USP13: variants seen among roughly 807,000 people sequenced by gnomAD.
USP13 encodes the protein ubiquitin specific peptidase 13.
Under a neutral mutation model 107.8 loss-of-function variants are expected in USP13, and 68 were observed. That is an observed-to-expected ratio of 0.63 (90% confidence interval 0.52 to 0.77). The LOEUF (loss-of-function observed/expected upper bound fraction) is 0.77, where lower values mean the gene tolerates loss of function less well. USP13 is among the 30% of genes least tolerant of loss of function. The pLI is 0.00. For missense variants in USP13, 945 were observed against 1,093.3 expected (o/e 0.86, Z 1.91); for synonymous variants, 377 against 389.5 (o/e 0.97, Z 0.38).
At chr3:179,681,592 G>C (rs1216939466) in intron 1 of USP13, among the ~76,000 whole-genome samples, 1 of 151,684 alleles carries the variant, frequency 6.6e-6, no homozygotes, top group Non-Finnish European at 1.5e-5. Flanking sequence ...CTTATCAGTA[G>C]GTACATTCCT....
At chr3:179,693,699 A>G (rs1712187803) in intron 3 of USP13, among the ~76,000 whole-genome samples, 1 of 151,962 alleles carries the variant, frequency 6.6e-6, no homozygotes, top group African/African-American at 2.4e-5. Flanking sequence ...TTTGAGCCGG[A>G]GTCTTGCTCT....
chr3:179,718,911 C>T (rs1034146205), intron 6 of USP13, among the ~76,000 whole-genome samples: 6 of 152,074 alleles, frequency 3.9e-5, no homozygotes, highest in African/African-American at 1.4e-4. Context: ...CGCCCGCCAC[C>T]ACGCCCGGCT....
At position 179,727,623 on chromosome 3, in the gene USP13, C is replaced by A. The variant is rs1390432380; in HGVS notation, c.1089-2566C>A. 6.5e-5 allele frequency among the ~76,000 whole-genome samples: 6 copies of A among 92,540 alleles called. 2 individuals are homozygous for A. The highest frequency in any genetic ancestry group is 1.4e-4 in the African/African-American group (4 of 27,678). The allele number at this position is 92,540 out of a possible 152,430, so 60.7% of individuals were successfully genotyped here. ...CTCAATCTTTTCCCCACCCTTCCCC[C>A]CTTTCTATTCCACAAAACCGCCATT... On this transcript the variant is annotated intron_variant, in intron 8 of 20. Coordinates refer to ENST00000263966, the MANE Select transcript of USP13 (RefSeq NM_003940.3).
intron 10 of USP13, among the ~76,000 whole-genome samples, chr3:179,737,555 CA>C (rs1417486420): frequency 1.3e-5 from 2 of 152,170 alleles, no homozygotes; most frequent in Non-Finnish European, 2.9e-5. Flanking sequence ...ACAATTTTTA[CA>C]TAGGTTTCAG....
At chr3:179,722,391 G>A (rs184943071) in intron 8 of USP13, among the ~76,000 whole-genome samples, 14 of 152,278 alleles carry the variant, frequency 9.2e-5, no homozygotes, top group African/African-American at 3.4e-4. Flanking sequence ...TTTGGAAATC[G>A]AGAGTGAGCA....
chr3:179,735,533 T>A (rs528938306), intron 10 of USP13, among the ~76,000 whole-genome samples: 107 of 152,180 alleles, frequency 7.0e-4, no homozygotes, highest in Non-Finnish European at 1.4e-3. Flanking sequence ...ATCCTGCAAA[T>A]CTGGTTCCAC....
chr3:179,713,413 A>C (rs1479293652), intron 6 of USP13, among the ~76,000 whole-genome samples: 1 of 152,194 alleles, frequency 6.6e-6, no homozygotes, highest in Non-Finnish European at 1.5e-5. Flanking sequence ...GCTGTAACAT[A>C]TTGTTTATTT....
chr3:179,716,662 T>G (rs1713123800), intron 6 of USP13, among the ~76,000 whole-genome samples: 1 of 152,174 alleles, frequency 6.6e-6, no homozygotes, highest in Non-Finnish European at 1.5e-5. Flanking sequence ...AAAACATTTT[T>G]TCCATCAAAA....
intron 1 of USP13, among the ~76,000 whole-genome samples, chr3:179,664,593 G>C (rs1349549366): frequency 6.6e-6 from 1 of 152,162 alleles, no homozygotes; most frequent in Non-Finnish European, 1.5e-5. Flanking sequence ...TCAGGCCTCT[G>C]TCTGGTCTGT....
At position 179,786,589 on chromosome 3, in the gene USP13, G is replaced by C. The variant is rs1219671406; in HGVS notation, c.*2448G>C. 6.5e-6 allele frequency: 1 copy of C among 155,020 alleles called. No homozygotes were observed. The highest frequency in any genetic ancestry group is 1.9e-4 in the East Asian group (1 of 5,342). The allele number at this position is 155,020 out of a possible 1,614,324, so 9.6% of individuals were successfully genotyped here. A position where few individuals can be genotyped will look rare whatever the true frequency, so the allele number is the denominator to read the frequency against. ...TGTGCTATTCTTTACTTCAGATTGA[G>C]AGTTGGGAAAAACTGGAGTAAATAA... On this transcript the variant is annotated 3_prime_UTR_variant, in exon 21 of 21. Coordinates refer to ENST00000263966, the MANE Select transcript of USP13 (RefSeq NM_003940.3).
At chr3:179,675,167 T>A (rs1423837258) in intron 1 of USP13, among the ~76,000 whole-genome samples, 2 of 149,942 alleles carry the variant, frequency 1.3e-5, no homozygotes, top group East Asian at 2.0e-4. Context: ...AGAGTGACAC[T>A]CCATCTCAAA....
chr3:179,699,743 TTTATTTTATTTA>T (rs1348596013), intron 3 of USP13, among the ~76,000 whole-genome samples: 9 of 134,830 alleles, frequency 6.7e-5, no homozygotes, highest in Non-Finnish European at 9.3e-5. Flanking sequence ...CTGTATCTTA[TTTATTTTATTTA>T]TTTATTTATT....
At chr3:179,728,151 G>A (rs1276587558) in intron 8 of USP13, among the ~76,000 whole-genome samples, 9 of 133,816 alleles carry the variant, frequency 6.7e-5, no homozygotes, top group South Asian at 5.3e-4. Flanking sequence ...GGGCGGCCGG[G>A]CAGAGGCGCC....
In USP13 at chr3:179,742,447, G is replaced by C. The variant is rs550133895; in HGVS notation, c.1534+97G>C. ...GTTTAGTCACTGAAGTGTGTCAGGA[G>C]TAGACCCAGCCCAGGTGATGTCTGC... On this transcript the variant is annotated intron_variant, in intron 12 of 20. Transcript: ENST00000263966. The surrounding 1 kb of genome is among the most constrained non-coding windows in gnomAD (Gnocchi z 5.0). 61 of 1,480,962 alleles carry C rather than the reference G, an allele frequency of 4.1e-5. No homozygotes were observed. The East Asian group carries it at 1.4e-3, about 35-fold the overall frequency. The allele number at this position is 1,480,962 out of a possible 1,614,324, so 91.7% of individuals were successfully genotyped here.
intron 3 of USP13, 67 bp downstream of exon 3, chr3:179,690,368 G>A (rs1346715998): frequency 1.5e-6 from 2 of 1,376,786 alleles, no homozygotes; most frequent in African/African-American, 1.4e-5. Flanking sequence ...ATACTCATGT[G>A]CATCTTTGAT....
At chr3:179,694,253 A>G (rs1389351740) in intron 3 of USP13, among the ~76,000 whole-genome samples, 2 of 152,098 alleles carry the variant, frequency 1.3e-5, no homozygotes, top group Non-Finnish European at 2.9e-5. Context: ...GGGATTACAG[A>G]TGTGAGCCAC....
At chr3:179,769,084 T>C (rs1715269392) in intron 19 of USP13, among the ~76,000 whole-genome samples, 1 of 152,224 alleles carries the variant, frequency 6.6e-6, no homozygotes, top group Non-Finnish European at 1.5e-5. Context: ...TAAAAATGAA[T>C]ATAAATCTAA....
At chr3:179,747,762 A>G (rs1714459943) in intron 13 of USP13, among the ~76,000 whole-genome samples, 1 of 152,182 alleles carries the variant, frequency 6.6e-6, no homozygotes, top group African/African-American at 2.4e-5. Context: ...TCCATCTGTA[A>G]TGGAGAAATG....
At chr3:179,688,547 A>G (rs2108461646) in intron 2 of USP13, among the ~76,000 whole-genome samples, 1 of 152,190 alleles carries the variant, frequency 6.6e-6, no homozygotes, top group South Asian at 2.1e-4. Context: ...ATTTTCTCAA[A>G]CCTTGTTGAT....
Sources: gnomAD v4.1 joint callset for allele counts (sites outside exome capture counted in the v4.1 genomes callset) on GRCh38, gnomAD v4.1.1 for gene constraint, Gnocchi (gnomAD v3.1) non-coding constraint, MANE v1.5 for transcripts, NCBI Gene and HGNC (gene_info 2026-07-23, HGNC 2026-07-21) for gene names.